The following BRK1 variants were observed in gnomAD, a reference collection of about 807,000 sequenced individuals.
BRK1 encodes protein BRICK1.
In BRK1, 6 loss-of-function variants were observed where a neutral mutation model predicts 9.9. The ratio of observed to expected loss-of-function variants is 0.60; its 90% CI spans 0.33 to 1.19. The LOEUF is 1.19. BRK1 is among the 50% of genes most tolerant of loss of function. The pLI is 0.04. For missense variants in BRK1, 62 were observed against 97.5 expected (o/e 0.64, Z 1.53); for synonymous variants, 44 against 31.9 (o/e 1.38, Z -1.28).
At chr3:10,124,033 C>G (rs1179018386) in intron 1 of BRK1, among the ~76,000 whole-genome samples, 1 of 152,026 alleles carries the variant, frequency 6.6e-6, no homozygotes, top group Non-Finnish European at 1.5e-5. Flanking sequence ...TCACGCCCAG[C>G]CTCGTTTCTT....
intron 1 of BRK1, among the ~76,000 whole-genome samples, chr3:10,123,784 G>T (rs1349057966): frequency 8.4e-6 from 1 of 118,430 alleles, no homozygotes; most frequent in Non-Finnish European, 1.6e-5. Flanking sequence ...CACCCAGGCT[G>T]CAGTGCAGTG....
intron 1 of BRK1, among the ~76,000 whole-genome samples, chr3:10,123,213 T>A (rs180699781): frequency 5.8e-4 from 89 of 152,312 alleles, no homozygotes; most frequent in South Asian, 1.7e-3. Flanking sequence ...TTGAATGAGA[T>A]GGTAAAAGAA....
intron 1 of BRK1, 25 bp downstream of exon 1, chr3:10,115,844 G>T (rs781432308): frequency 5.0e-6 from 8 of 1,586,822 alleles, no homozygotes; most frequent in South Asian, 1.1e-5. Context: ...AAGGGGAGGC[G>T]GGGAGGAGGG....
intron 1 of BRK1, among the ~76,000 whole-genome samples, chr3:10,125,314 A>C (rs1695822277): frequency 6.6e-6 from 1 of 152,128 alleles, no homozygotes; most frequent in South Asian, 2.1e-4. Flanking sequence ...GATGTTGGCC[A>C]GGCTGGTCCC....
chr3:10,116,622 A>G (rs1695690347), intron 1 of BRK1, among the ~76,000 whole-genome samples: 1 of 152,156 alleles, frequency 6.6e-6, no homozygotes, highest in Non-Finnish European at 1.5e-5. Context: ...GTTTAACAGA[A>G]CTTGGCACTG....
chr3:10,126,430 T>C lies in BRK1; in HGVS notation c.*135T>C. The C allele has an allele frequency of 3.6e-6, 3 of 830,746 alleles. No individual in the cohort carries two copies. The South Asian group carries it at 5.2e-5, about 14-fold the overall frequency. 51.5% of individuals were successfully genotyped at this position (830,746 alleles called of 1,614,324 possible). A position where few individuals can be genotyped will look rare whatever the true frequency, so the allele number is the denominator to read the frequency against. ...ATTCTTGTTTTTCTTTTTTCAAAAG[T>C]GTGGCCTTTGGGCTCTGCCATCTGG... On this transcript the variant is annotated 3_prime_UTR_variant, in exon 3 of 3. Transcript: ENST00000530758.
chr3:10,120,351 T>C (rs1354992103), intron 1 of BRK1, among the ~76,000 whole-genome samples: 2 of 152,248 alleles, frequency 1.3e-5, no homozygotes, highest in East Asian at 3.9e-4. Context: ...CACACAACCA[T>C]GCCCAGCTAC....
chr3:10,125,660 C>T lies in BRK1; in HGVS notation c.153C>T (p.Asn51=), dbSNP rs756323273. 41 of 1,612,552 alleles carry T rather than the reference C, an allele frequency of 2.5e-5. No homozygotes were observed. Among genetic ancestry groups the T allele is most frequent in the African/African-American group, 5.3e-5 (4 of 74,880 alleles). The part of the protein sequence containing the change: ...MSCRSRLATL[N]EKLTALERRI... ...GTCGTTCAAGACTTGCAACACTAAA[C>T]GAGAAATTGACAGCCCTTGAACGGA... Residue 51 remains asparagine (N), a synonymous_variant, in exon 2 of 3, where the codon AAC becomes AAT. Coordinates refer to ENST00000530758, the MANE Select transcript of BRK1 (RefSeq NM_018462.5).
chr3:10,122,149 C>G (rs1287127704), intron 1 of BRK1, among the ~76,000 whole-genome samples: 5 of 149,172 alleles, frequency 3.4e-5, no homozygotes, highest in Non-Finnish European at 5.9e-5. Context: ...GTCTTGAACT[C>G]CGACCTCAGG....
chr3:10,124,433 CT>C (rs1410469153), intron 1 of BRK1, among the ~76,000 whole-genome samples: 7 of 151,688 alleles, frequency 4.6e-5, no homozygotes, highest in Non-Finnish European at 8.8e-5. Flanking sequence ...GCACTCCAGC[CT>C]GGAAACAGAG....
chr3:10,126,223 A>G, intron 2 of BRK1, 46 bp from the exon 3 acceptor site: 2 of 1,434,062 alleles, frequency 1.4e-6, no homozygotes, highest in Non-Finnish European at 1.9e-6. Context: ...GACCCCTCTA[A>G]TCTTTTTTAA....
chr3:10,117,641 C>T (rs953392932), intron 1 of BRK1, among the ~76,000 whole-genome samples: 3 of 152,010 alleles, frequency 2.0e-5, no homozygotes, highest in Admixed American at 2.0e-4. Flanking sequence ...AAGTGATCCA[C>T]CCGCTTCGGC....
At position 10,125,892 on chromosome 3, in the gene BRK1, T is replaced by A. The variant is rs56087600; in HGVS notation, c.201+184T>A. The stretch of plus-strand genomic sequence containing the variant: ...GATCACTTGAGGTCAGGAGTTCGAG[T>A]CCAGCCTGGCCAACATGGTGAAACC... On this transcript the variant is annotated intron_variant, in intron 2 of 2. Transcript: ENST00000530758. Among the ~76,000 whole-genome samples, 24,858 of 151,752 alleles carry A rather than the reference T, an allele frequency of 0.16. 2,577 individuals carry two copies. Among genetic ancestry groups the A allele is most frequent in the African/African-American group, 0.29 (12,080 of 41,376 alleles).
intron 1 of BRK1, among the ~76,000 whole-genome samples, chr3:10,120,425 C>A (rs1348199324): frequency 6.6e-6 from 1 of 152,040 alleles, no homozygotes; most frequent in African/African-American, 2.4e-5. Flanking sequence ...AAACTCCTGA[C>A]CTCAAGTGAT....
chr3:10,123,860 C>T lies in BRK1; in HGVS notation c.119-1766C>T, dbSNP rs186420538. 3.3e-3 allele frequency among the ~76,000 whole-genome samples: 497 copies of T among 150,260 alleles called. 7 individuals carry two copies. Among genetic ancestry groups the T allele is most frequent in the Non-Finnish European group, 3.2e-3 (220 of 67,718 alleles). On this transcript the variant is annotated intron_variant, in intron 1 of 2. Coordinates refer to ENST00000530758, the MANE Select transcript of BRK1 (RefSeq NM_018462.5). ...AAGTGATTCTCCTGCCTCAGCCTCC[C>T]GAGTAGCTGGGACTAGAGGCACCCG...
intron 1 of BRK1, among the ~76,000 whole-genome samples, chr3:10,121,230 G>A (rs1472992440): frequency 6.6e-6 from 1 of 152,126 alleles, no homozygotes; most frequent in Admixed American, 6.6e-5. Context: ...TTTTGGGGAT[G>A]ATGAAAATAT....
intron 1 of BRK1, among the ~76,000 whole-genome samples, chr3:10,117,300 T>G (rs1466754658): frequency 1.3e-5 from 2 of 152,110 alleles, no homozygotes; most frequent in African/African-American, 4.8e-5. Context: ...GGCAAGGAGA[T>G]ATCAGCTTGG....
At chr3:10,124,826 C>T (rs1695814655) in intron 1 of BRK1, among the ~76,000 whole-genome samples, 2 of 152,152 alleles carry the variant, frequency 1.3e-5, no homozygotes, top group African/African-American at 4.8e-5. Flanking sequence ...TTCTAAAGGT[C>T]ACTTACATCC....
intron 1 of BRK1, among the ~76,000 whole-genome samples, chr3:10,125,366 A>G (rs1250181515): frequency 6.6e-6 from 1 of 151,998 alleles, no homozygotes; most frequent in Non-Finnish European, 1.5e-5. Context: ...AGTCCTCCCA[A>G]AGTGCTAGGA....
Sources: allele counts gnomAD v4.1 joint callset (sites outside exome capture counted in the v4.1 genomes callset), GRCh38; gene constraint gnomAD v4.1.1; transcripts MANE v1.5; gene names NCBI Gene and HGNC (gene_info 2026-07-23, HGNC 2026-07-21).